The following EYS variants were observed in gnomAD, a reference collection of about 807,000 sequenced individuals.
The protein encoded by EYS is protein eyes shut homolog.
Under a neutral mutation model 282.1 loss-of-function variants are expected in EYS, and 250 were observed. The observed-to-expected ratio is 0.89, with a 90% CI of 0.80 to 0.98. The LOEUF is 0.98. Ranked by LOEUF, EYS falls within the 50% of genes least tolerant of loss-of-function variation. The probability of loss-of-function intolerance (pLI) is 0.00; values close to 1 mark genes in which losing one functional copy is unlikely to be tolerated. For missense variants in EYS, 4,016 were observed against 3,709.0 expected (o/e 1.08, Z -2.15); for synonymous variants, 1,355 against 1,282.9 (o/e 1.06, Z -1.20).
chr6:64,840,944 A>C (rs1765544571), intron 19 of EYS, among the ~76,000 whole-genome samples: 1 of 152,144 alleles, frequency 6.6e-6, no homozygotes, highest in Non-Finnish European at 1.5e-5. Context: ...ACACAGCAGA[A>C]TATACCCATC....
intron 29 of EYS, among the ~76,000 whole-genome samples, chr6:64,326,975 C>T (rs984490969): frequency 5.3e-5 from 8 of 152,014 alleles, no homozygotes; most frequent in Non-Finnish European, 1.0e-4. Flanking sequence ...CTGACTCGGA[C>T]AAAATTCACA....
intron 22 of EYS, among the ~76,000 whole-genome samples, chr6:64,809,795 G>A (rs1177153403): frequency 1.3e-5 from 2 of 151,968 alleles, no homozygotes; most frequent in African/African-American, 4.8e-5. Context: ...CATAAAGGTG[G>A]GAACAACAGA....
chr6:65,493,707 CTTAA>C (rs1396363616), intron 4 of EYS, among the ~76,000 whole-genome samples: 2 of 152,078 alleles, frequency 1.3e-5, no homozygotes, highest in Non-Finnish European at 2.9e-5. Context: ...TTTCCTCTGG[CTTAA>C]TTACTCACCA....
chr6:65,510,674 G>A lies in EYS; in HGVS notation c.-332-14681C>T, dbSNP rs115529854. On this transcript the variant is annotated intron_variant, in intron 2 of 42. Coordinates refer to ENST00000503581, the MANE Select transcript of EYS (RefSeq NM_001142800.2). ...TTGATTATGACCTTATTTTTGGTAT[G>A]TTTTTCTCCCACAAATCCTTATCTC... Among the ~76,000 whole-genome samples, 628 of 152,058 alleles carry A rather than the reference G, an allele frequency of 4.1e-3. 7 individuals are homozygous for A. Among genetic ancestry groups the A allele is most frequent in the African/African-American group, 0.014 (594 of 41,496 alleles).
chr6:65,405,792 G>C (rs1766711682), intron 5 of EYS, among the ~76,000 whole-genome samples: 1 of 152,038 alleles, frequency 6.6e-6, no homozygotes, highest in African/African-American at 2.4e-5. Flanking sequence ...TATTGCTAAA[G>C]AGTAATTCAC....
chr6:65,139,288 T>C (rs181311797), intron 12 of EYS, among the ~76,000 whole-genome samples: 106 of 152,154 alleles, frequency 7.0e-4, no homozygotes, highest in Admixed American at 1.6e-3. Context: ...TGAAACAACA[T>C]GGATGGAACT....
intron 33 of EYS, among the ~76,000 whole-genome samples, chr6:64,049,223 C>G (rs1770727508): frequency 6.6e-6 from 1 of 152,148 alleles, no homozygotes; most frequent in Admixed American, 6.5e-5. Context: ...TGTAAACAGT[C>G]ATGTATCTAC....
At chr6:64,804,881 T>C (rs927389655) in intron 22 of EYS, among the ~76,000 whole-genome samples, 1 of 149,278 alleles carries the variant, frequency 6.7e-6, no homozygotes, top group African/African-American at 2.4e-5. Context: ...TATTAAAATG[T>C]ATCACATACA....
At chr6:63,825,823 A>T (rs555098248) in intron 36 of EYS, among the ~76,000 whole-genome samples, 168 of 152,308 alleles carry the variant, frequency 1.1e-3, no homozygotes, top group Admixed American at 1.2e-3. Flanking sequence ...TAGTAATATG[A>T]CAAAACAAGG....
intron 22 of EYS, among the ~76,000 whole-genome samples, chr6:64,646,091 C>T (rs1005954550): frequency 6.6e-6 from 1 of 152,166 alleles, no homozygotes; most frequent in Non-Finnish European, 1.5e-5. Context: ...GGTAGCTACA[C>T]TTCTTGTGTA....
intron 14 of EYS, among the ~76,000 whole-genome samples, chr6:64,972,653 A>G (rs1465533301): frequency 6.6e-6 from 1 of 152,124 alleles, no homozygotes; most frequent in East Asian, 1.9e-4. Flanking sequence ...CTTTATTGTA[A>G]GAATAGAGTA....
chr6:65,010,710 A>G (rs1353145906), intron 13 of EYS, among the ~76,000 whole-genome samples: 1 of 152,232 alleles, frequency 6.6e-6, no homozygotes, highest in East Asian at 1.9e-4. Flanking sequence ...GCCCTCACTC[A>G]GGCACTAAAA....
intron 32 of EYS, among the ~76,000 whole-genome samples, chr6:64,074,870 C>A (rs922505002): frequency 2.6e-5 from 4 of 151,826 alleles, no homozygotes; most frequent in Non-Finnish European, 4.4e-5. Context: ...ATAATATAAA[C>A]ATACCTGCAT....
intron 19 of EYS, among the ~76,000 whole-genome samples, chr6:64,846,809 G>A (rs1017266806): frequency 1.1e-4 from 16 of 152,040 alleles, no homozygotes; most frequent in Non-Finnish European, 4.4e-5. Flanking sequence ...CAACTATTAT[G>A]AAATAAATTA....
intron 2 of EYS, among the ~76,000 whole-genome samples, chr6:65,627,054 C>T (rs1291367838): frequency 1.3e-5 from 2 of 151,748 alleles, no homozygotes; most frequent in African/African-American, 4.8e-5. Flanking sequence ...TCTTTCATCT[C>T]TTTCCTTTCC....
chr6:63,787,430 A>G (rs1252004505), intron 39 of EYS: 2 of 152,244 alleles, frequency 1.3e-5, no homozygotes, highest in African/African-American at 4.8e-5. Flanking sequence ...TACCCTGCTC[A>G]GCCTATTTTA....
intron 26 of EYS, among the ~76,000 whole-genome samples, chr6:64,517,354 A>T (rs1777590284): frequency 6.6e-6 from 1 of 151,818 alleles, no homozygotes; most frequent in Admixed American, 6.6e-5. Context: ...GAATTTTGGG[A>T]AGATTTTGGT....
At chr6:64,322,135 C>T (rs1561928892) in intron 29 of EYS, among the ~76,000 whole-genome samples, 1 of 151,926 alleles carries the variant, frequency 6.6e-6, no homozygotes, top group Non-Finnish European at 1.5e-5. Context: ...TATGGTTATG[C>T]AAATTGTTCA....
rs546453489 is a variant in EYS, at chr6:64,162,860, C to T, written c.6424+67732G>A. 7.7e-4 allele frequency among the ~76,000 whole-genome samples: 117 copies of T among 152,178 alleles called. 1 individual carries two copies. The highest frequency in any genetic ancestry group is 5.8e-3 in the South Asian group (28 of 4,826). On this transcript the variant is annotated intron_variant, in intron 31 of 42. Coordinates refer to ENST00000503581, the MANE Select transcript of EYS (RefSeq NM_001142800.2). Reference sequence around the variant, plus strand: ...TTGTTTGTATTATTCATTTTAGCTTCGACCTTATGGTACCTCCAAACTTCA... The same window carrying T: ...TTGTTTGTATTATTCATTTTAGCTTTGACCTTATGGTACCTCCAAACTTCA...
Sources: allele counts gnomAD v4.1 joint callset (sites outside exome capture counted in the v4.1 genomes callset), GRCh38; gene constraint gnomAD v4.1.1; transcripts MANE v1.5; gene names NCBI Gene and HGNC (gene_info 2026-07-23, HGNC 2026-07-21).